The following NUP58 variants were observed in gnomAD, a reference collection of about 807,000 sequenced individuals.
NUP58 encodes the protein nucleoporin p58/p45.
In NUP58, 17 loss-of-function variants were observed where a neutral mutation model predicts 70.1. The observed-to-expected ratio is 0.24, with a 90% CI of 0.17 to 0.36. The LOEUF (loss-of-function observed/expected upper bound fraction) is 0.36, where lower values mean the gene tolerates loss of function less well. Ranked by LOEUF, NUP58 falls within the 10% of genes least tolerant of loss-of-function variation. NUP58 has a pLI of 1.00. For synonymous variants in NUP58, 275 were observed against 257.6 expected, an observed-to-expected ratio of 1.07 and a Z score of -0.65; for missense variants, 644 against 701.5, an observed-to-expected ratio of 0.92 and a Z score of 0.93.
intron 1 of NUP58, among the ~76,000 whole-genome samples, chr13:25,305,150 T>TGTTTGTTG (rs1566055108): frequency 6.3e-5 from 2 of 31,928 alleles, no homozygotes; most frequent in South Asian, 8.6e-4. Context: ...TTTTTTTTTT[T>TGTTTGTTG]TTTTTTTTTT....
intron 1 of NUP58, among the ~76,000 whole-genome samples, chr13:25,306,082 A>G (rs529588042): frequency 7.2e-5 from 11 of 152,262 alleles, no homozygotes; most frequent in African/African-American, 2.4e-4. Context: ...AAGTTAATTC[A>G]TCCTGTGCTC....
chr13:25,317,544 A>G (rs901980027), intron 6 of NUP58: 1 of 152,090 alleles, frequency 6.6e-6, no homozygotes, highest in Non-Finnish European at 1.5e-5. Context: ...TTTTATATAC[A>G]TGTTTGTGTG....
intron 12 of NUP58, 139 bp downstream of exon 12, chr13:25,327,651 T>TA: frequency 1.9e-6 from 1 of 539,414 alleles, no homozygotes; most frequent in Non-Finnish European, 3.3e-6. Context: ...CTATAATCCA[T>TA]AACATACCCA....
chr13:25,324,455 A>G (rs570580238), intron 9 of NUP58, among the ~76,000 whole-genome samples: 4 of 152,190 alleles, frequency 2.6e-5, no homozygotes, highest in Non-Finnish European at 4.4e-5. Flanking sequence ...TCGGTCTTCT[A>G]GCAGCATGAT....
At chr13:25,339,352 G>T (rs1463137702) in intron 15 of NUP58, among the ~76,000 whole-genome samples, 1 of 152,158 alleles carries the variant, frequency 6.6e-6, no homozygotes, top group African/African-American at 2.4e-5. Context: ...TAGAGAATTT[G>T]AAGGAATTAA....
downstream of NUP58, among the ~76,000 whole-genome samples, chr13:25,343,261 A>G (rs564005889): frequency 6.6e-6 from 1 of 151,956 alleles, no homozygotes; most frequent in Non-Finnish European, 1.5e-5. Context: ...CTTAGAGAAC[A>G]TAGGATGTTT....
intron 13 of NUP58, chr13:25,332,290 A>G: frequency 1.0e-6 from 1 of 985,454 alleles, no homozygotes; most frequent in Non-Finnish European, 1.2e-6. Context: ...TACACTTCTA[A>G]TTAGAGAAAC....
chr13:25,319,216 T>C (rs1465771215), intron 6 of NUP58, 110 bp from the exon 7 acceptor site: 1 of 936,848 alleles, frequency 1.1e-6, no homozygotes, highest in African/African-American at 1.8e-5. Flanking sequence ...AGCAAAGAAA[T>C]GCTTAACAGT....
chr13:25,310,602 A>C (rs2030618028), intron 3 of NUP58, among the ~76,000 whole-genome samples: 1 of 129,782 alleles, frequency 7.7e-6, no homozygotes, highest in African/African-American at 2.9e-5. Flanking sequence ...GCCTCAAGCC[A>C]CGTGCCCTCT....
chr13:25,321,467 G>C (rs569757922), intron 9 of NUP58, among the ~76,000 whole-genome samples: 1 of 152,158 alleles, frequency 6.6e-6, no homozygotes, highest in South Asian at 2.1e-4. Flanking sequence ...ACTAGGTTTC[G>C]TAAGTGTGGT....
At chr13:25,336,031 C>A (rs1180421183) in intron 13 of NUP58, 1 of 1,167,006 alleles carries the variant, frequency 8.6e-7, no homozygotes, top group Non-Finnish European at 1.1e-6. Context: ...GCTATTCTTG[C>A]CAAACAAACT....
intron 1 of NUP58, among the ~76,000 whole-genome samples, chr13:25,306,446 T>C (rs1354764657): frequency 6.6e-6 from 1 of 151,878 alleles, no homozygotes; most frequent in Non-Finnish European, 1.5e-5. Context: ...AATTCCTGTT[T>C]TGCAGATGAG....
intron 13 of NUP58, chr13:25,336,233 G>A (rs751866291): frequency 1.3e-5 from 18 of 1,367,038 alleles, no homozygotes; most frequent in Admixed American, 1.9e-5. Flanking sequence ...GTGTAATGTA[G>A]CAGAGCTTAA....
intron 9 of NUP58, among the ~76,000 whole-genome samples, chr13:25,324,440 G>A (rs1356177405): frequency 7.9e-5 from 12 of 152,144 alleles, no homozygotes; most frequent in Admixed American, 7.2e-4. Context: ...AAAAGATCCA[G>A]TTCTTCGGTC....
At chr13:25,316,456 TA>T (rs1180187138) in intron 6 of NUP58, among the ~76,000 whole-genome samples, 1 of 125,148 alleles carries the variant, frequency 8.0e-6, no homozygotes, top group African/African-American at 2.8e-5. Flanking sequence ...ACTTTTTTTT[TA>T]AAAAACTGGA....
intron 13 of NUP58, chr13:25,333,431 C>G: frequency 1.0e-6 from 1 of 985,380 alleles, no homozygotes; most frequent in Non-Finnish European, 1.2e-6. Flanking sequence ...CTTCACTCTT[C>G]CCTGAAACTT....
chr13:25,318,221 G>A (rs1244251815), intron 6 of NUP58, among the ~76,000 whole-genome samples: 4 of 151,988 alleles, frequency 2.6e-5, no homozygotes, highest in African/African-American at 7.3e-5. Context: ...CCAGCTACTC[G>A]GGAAGCTGAG....
At chr13:25,348,319 T>G (rs558082247) in intron 3 of NUP58, among the ~76,000 whole-genome samples, 22 of 152,228 alleles carry the variant, frequency 1.4e-4, no homozygotes, top group Admixed American at 1.4e-3. Flanking sequence ...AAATTCACAC[T>G]GGATTTTGAA....
At chr13:25,309,660 TAGTTATCTATAA>T (rs1302025231) in intron 3 of NUP58, among the ~76,000 whole-genome samples, 8 of 152,220 alleles carry the variant, frequency 5.3e-5, no homozygotes, top group Non-Finnish European at 1.2e-4. Flanking sequence ...TTGGGGCTTT[TAGTTATCTATAA>T]AATTGAGGGT....
Sources: gnomAD v4.1 joint callset for allele counts (sites outside exome capture counted in the v4.1 genomes callset) on GRCh38, gnomAD v4.1.1 for gene constraint, MANE v1.5 for transcripts, NCBI Gene and HGNC (gene_info 2026-07-23, HGNC 2026-07-21) for gene names.